Variants in AGBL1 observed in about 807,000 individuals in gnomAD.
AGBL1 encodes the protein cytosolic carboxypeptidase 4.
A neutral mutation model predicts 118.9 loss-of-function variants in AGBL1; 130 were observed. That is an observed-to-expected ratio of 1.09 (90% CI 0.95 to 1.26). AGBL1 has a LOEUF of 1.26. Among genes scored for constraint, AGBL1 ranks in the 50% most tolerant of loss-of-function variants. AGBL1 has a pLI of 0.00. For synonymous variants in AGBL1, 555 were observed against 478.9 expected, an observed-to-expected ratio of 1.16 and a Z score of -2.08; for missense variants, 1,584 against 1,298.1, an observed-to-expected ratio of 1.22 and a Z score of -3.38.
At chr15:86,727,964 G>A (rs982283519) in intron 22 of AGBL1, among the ~76,000 whole-genome samples, 9 of 152,164 alleles carry the variant, frequency 5.9e-5, no homozygotes, top group African/African-American at 2.2e-4. Context: ...GTACCCATAA[G>A]CAAAGCTTTT....
chr15:86,855,110 G>A (rs1327981074), intron 22 of AGBL1, among the ~76,000 whole-genome samples: 4 of 152,156 alleles, frequency 2.6e-5, no homozygotes, highest in Non-Finnish European at 4.4e-5. Context: ...TGTTGTTACT[G>A]CATCATTTTT....
At position 86,545,991 on chromosome 15, in the gene AGBL1, G is replaced by T; in HGVS notation, c.2686-11G>T. ...CCTGGTTTTATTTTCTCCTTTGTTG[G>T]GCTATTGTAGGTTTTCTGTGACTTC... On this transcript the variant is annotated splice_polypyrimidine_tract_variant and intron_variant, in intron 19 of 22. Transcript: ENST00000614907. The T allele has an allele frequency of 6.2e-7, 1 of 1,610,570 alleles. No homozygotes were observed. The highest frequency in any genetic ancestry group is 8.5e-7 in the Non-Finnish European group (1 of 1,177,496).
intron 5 of AGBL1, among the ~76,000 whole-genome samples, chr15:86,186,210 C>A (rs940723156): frequency 1.3e-5 from 2 of 148,686 alleles, no homozygotes; most frequent in Non-Finnish European, 3.0e-5. Flanking sequence ...ACAACAGGCG[C>A]TGGGACTTGC....
chr15:86,872,740 A>G (rs1039443853), intron 22 of AGBL1, among the ~76,000 whole-genome samples: 12 of 152,350 alleles, frequency 7.9e-5, no homozygotes, highest in Middle Eastern at 3.4e-3. Context: ...TGGGCGACAG[A>G]GTGAGACTCC....
At chr15:86,662,737 C>G (rs1157118869) in intron 21 of AGBL1, among the ~76,000 whole-genome samples, 1 of 152,144 alleles carries the variant, frequency 6.6e-6, no homozygotes, top group African/African-American at 2.4e-5. Context: ...AAGTTCATAA[C>G]TATTTCACAG....
At chr15:86,572,218 A>G (rs944254336) in intron 21 of AGBL1, among the ~76,000 whole-genome samples, 1 of 137,878 alleles carries the variant, frequency 7.3e-6, no homozygotes, top group African/African-American at 2.6e-5. Flanking sequence ...GCCCCCAAGA[A>G]CAGAGATGCC....
At chr15:86,902,437 C>G (rs2080224332) in intron 22 of AGBL1, among the ~76,000 whole-genome samples, 1 of 152,032 alleles carries the variant, frequency 6.6e-6, no homozygotes, top group Non-Finnish European at 1.5e-5. Flanking sequence ...ATTCAGCTGT[C>G]AAACATCATC....
At chr15:86,966,670 G>A (rs982826931) in intron 23 of AGBL1, among the ~76,000 whole-genome samples, 2 of 151,924 alleles carry the variant, frequency 1.3e-5, no homozygotes, top group Admixed American at 6.6e-5. Context: ...TTTTTTTATG[G>A]CTGCATAGTA....
intron 21 of AGBL1, among the ~76,000 whole-genome samples, chr15:86,662,880 A>G (rs766105067): frequency 6.6e-6 from 1 of 152,208 alleles, no homozygotes; most frequent in Non-Finnish European, 1.5e-5. Context: ...CTCCTGGCAG[A>G]CACCATATGG....
chr15:86,271,289 C>T (rs1183921915), intron 14 of AGBL1, among the ~76,000 whole-genome samples: 2 of 151,938 alleles, frequency 1.3e-5, no homozygotes, highest in Non-Finnish European at 2.9e-5. Flanking sequence ...GTCTTGATCT[C>T]CTGACCTTGT....
chr15:86,522,094 A>G (rs1474051747), intron 18 of AGBL1, among the ~76,000 whole-genome samples: 1 of 152,168 alleles, frequency 6.6e-6, no homozygotes, highest in Non-Finnish European at 1.5e-5. Context: ...ACTACCAGCT[A>G]GGTCACTTTT....
At chr15:86,656,867 A>G (rs1199832983) in intron 21 of AGBL1, among the ~76,000 whole-genome samples, 5 of 152,116 alleles carry the variant, frequency 3.3e-5, no homozygotes, top group African/African-American at 9.7e-5. Context: ...GGAATTCCAC[A>G]TCTCCACTGG....
intron 17 of AGBL1, among the ~76,000 whole-genome samples, chr15:86,375,887 G>A (rs1252813112): frequency 1.3e-5 from 2 of 152,230 alleles, no homozygotes; most frequent in Non-Finnish European, 2.9e-5. Flanking sequence ...CACTGCCAAT[G>A]GCTAGGCAGG....
Position 86,576,000 on chromosome 15 carries a change from C to T in AGBL1, c.2994+21463C>T, listed in dbSNP as rs118010996. 5.2e-4 allele frequency among the ~76,000 whole-genome samples: 79 copies of T among 152,216 alleles called. 1 individual carries two copies. The highest frequency in any genetic ancestry group is 9.4e-4 in the Non-Finnish European group (64 of 68,022). On this transcript the variant is annotated intron_variant, in intron 21 of 22. Coordinates refer to ENST00000614907, the MANE Select transcript of AGBL1 (RefSeq NM_001386094.1). ...CTTGTTAGTGATAACAATGTGCAAA[C>T]AAGCTTAACTCCCATAAGTAGAAAA...
intron 23 of AGBL1, among the ~76,000 whole-genome samples, chr15:86,967,307 C>T (rs1395504980): frequency 6.6e-6 from 1 of 152,088 alleles, no homozygotes; most frequent in Non-Finnish European, 1.5e-5. Context: ...ATTTCTTTTG[C>T]TGTGCAGAAG....
intron 22 of AGBL1, among the ~76,000 whole-genome samples, chr15:86,688,346 G>A (rs1175341834): frequency 6.6e-6 from 1 of 152,042 alleles, no homozygotes; most frequent in African/African-American, 2.4e-5. Context: ...AAGGAACAGA[G>A]GTCAAGGTGA....
intron 22 of AGBL1, among the ~76,000 whole-genome samples, chr15:86,786,903 C>T (rs1377094): frequency 0.32 from 48,274 of 151,952 alleles, 9,720 homozygotes; most frequent in Non-Finnish European, 0.47. Flanking sequence ...TGGAGAGTGT[C>T]GAGCCAAAAG....
At position 86,712,147 on chromosome 15, in the gene AGBL1, A is replaced by G. The variant is rs149677052; in HGVS notation, c.3158+37711A>G. ...ACCTAAGCTACTAATACATTTTAGT[A>G]TAGACATTTTAAGTGACCATGAGAA... On this transcript the variant is annotated intron_variant, in intron 22 of 22. Coordinates refer to ENST00000614907, the MANE Select transcript of AGBL1 (RefSeq NM_001386094.1). Among the ~76,000 whole-genome samples the G allele has an allele frequency of 4.3e-4, 65 of 152,314 alleles. 1 individual carries two copies. The East Asian group carries it at 7.1e-3, about 17-fold the overall frequency.
intron 7 of AGBL1, among the ~76,000 whole-genome samples, chr15:86,250,525 C>CAAAAAAAAAAAAAAAAAAAAAAAAAAAA (rs60432449): frequency 2.6e-5 from 1 of 38,950 alleles, no homozygotes; most frequent in African/African-American, 9.6e-5. Context: ...GACTCTGTCT[C>CAAAAAAAAAAAAAAAAAAAAAAAAAAAA]AAAAAAAAAA....
Sources: gnomAD v4.1 joint callset for allele counts (sites outside exome capture counted in the v4.1 genomes callset) on GRCh38, gnomAD v4.1.1 for gene constraint, MANE v1.5 for transcripts, NCBI Gene and HGNC (gene_info 2026-07-23, HGNC 2026-07-21) for gene names.